Variants in MARCHF1 observed in about 807,000 individuals in gnomAD.
MARCHF1 encodes membrane associated ring-CH-type finger 1.
In MARCHF1, 40 loss-of-function variants were observed where a neutral mutation model predicts 54.2. The ratio of observed to expected loss-of-function variants is 0.74; its 90% CI spans 0.57 to 0.96. The LOEUF is 0.96. Among genes scored for constraint, MARCHF1 ranks in the 40% least tolerant of loss-of-function variants. The pLI is 0.00. For missense variants in MARCHF1, 586 were observed against 656.5 expected, an observed-to-expected ratio of 0.89 and a Z score of 1.17; for synonymous variants, 236 against 236.3, an observed-to-expected ratio of 1.00 and a Z score of 0.01.
At chr4:164,296,578 C>T (rs1487723167) in intron 1 of MARCHF1, among the ~76,000 whole-genome samples, 1 of 152,044 alleles carries the variant, frequency 6.6e-6, no homozygotes, top group Non-Finnish European at 1.5e-5. Flanking sequence ...CCATGTTGGC[C>T]AGGCTGGTCT....
intron 1 of MARCHF1, among the ~76,000 whole-genome samples, chr4:164,229,610 G>A (rs35139392): frequency 0.48 from 73,636 of 151,990 alleles, 19,966 homozygotes; most frequent in Non-Finnish European, 0.63. Context: ...CTGAGAATGA[G>A]TAATTTATAA....
At chr4:164,220,464 T>C (rs1255860088) in intron 1 of MARCHF1, among the ~76,000 whole-genome samples, 2 of 145,988 alleles carry the variant, frequency 1.4e-5, no homozygotes, top group African/African-American at 5.0e-5. Flanking sequence ...TTCCTATATA[T>C]AGGTATGGAA....
At chr4:164,237,879 TAAC>T (rs1167506173) in intron 1 of MARCHF1, among the ~76,000 whole-genome samples, 1 of 151,960 alleles carries the variant, frequency 6.6e-6, no homozygotes, top group Middle Eastern at 3.2e-3. Context: ...CTATCTGTAT[TAAC>T]AAAATGCTAA....
At chr4:164,179,184 G>A (rs1216435058) in intron 1 of MARCHF1, among the ~76,000 whole-genome samples, 1 of 152,180 alleles carries the variant, frequency 6.6e-6, no homozygotes, top group Non-Finnish European at 1.5e-5. Context: ...AGCTGGTGAT[G>A]AGATAGAGGG....
chr4:164,205,396 A>G (rs561380552), intron 1 of MARCHF1, among the ~76,000 whole-genome samples: 35 of 152,220 alleles, frequency 2.3e-4, no homozygotes, highest in Non-Finnish European at 4.1e-4. Context: ...TAAGTTGCCC[A>G]GAGTCATATA....
chr4:164,261,393 C>T (rs1733460698), intron 1 of MARCHF1, among the ~76,000 whole-genome samples: 1 of 152,124 alleles, frequency 6.6e-6, no homozygotes, highest in South Asian at 2.1e-4. Context: ...TCATACATTC[C>T]TGACTCACTT....
intron 2 of MARCHF1, among the ~76,000 whole-genome samples, chr4:164,090,953 T>G (rs6827245): frequency 6.6e-6 from 1 of 151,924 alleles, no homozygotes; most frequent in Non-Finnish European, 1.5e-5. Flanking sequence ...TGAAGTGAGT[T>G]AAAGAAATCA....
At chr4:163,756,920 T>TA (rs1191067936) in intron 4 of MARCHF1, among the ~76,000 whole-genome samples, 14 of 151,898 alleles carry the variant, frequency 9.2e-5, no homozygotes, top group African/African-American at 3.4e-4. Context: ...AATGGATATA[T>TA]TTTTTCAAAA....
intron 5 of MARCHF1, among the ~76,000 whole-genome samples, chr4:163,693,624 T>C (rs1333326112): frequency 6.6e-6 from 1 of 151,416 alleles, no homozygotes; most frequent in African/African-American, 2.4e-5. Flanking sequence ...GGCCATACTA[T>C]TGCAGCATAG....
At chr4:164,053,740 T>A (rs1454928245) in intron 2 of MARCHF1, among the ~76,000 whole-genome samples, 1 of 152,226 alleles carries the variant, frequency 6.6e-6, no homozygotes, top group Non-Finnish European at 1.5e-5. Context: ...GCAGGAATCA[T>A]TTCTTCAACG....
chr4:163,612,897 A>G lies in MARCHF1; in HGVS notation c.384T>C (p.Tyr128=). ...TTATTTGTTCTTCTGCAGCATGCTC[A>G]TATCTCTCAGAGGCTTTTCTCCTCC... is the stretch of plus-strand genomic sequence containing the variant. ...PRRRRKASER[Y]EHAAEEQIRG... Residue 128 remains tyrosine, a synonymous_variant, in exon 7 of 10, where the codon TAT becomes TAC. Transcript: ENST00000514618. The G allele has an allele frequency of 1.3e-6, 2 of 1,535,444 alleles. No homozygotes were observed. Among genetic ancestry groups the G allele is most frequent in the Non-Finnish European group, 1.7e-6 (2 of 1,146,518 alleles).
chr4:163,545,103 C>T (rs1056313367), intron 9 of MARCHF1, among the ~76,000 whole-genome samples: 2 of 152,302 alleles, frequency 1.3e-5, no homozygotes, highest in East Asian at 3.9e-4. Flanking sequence ...AATCAAACTT[C>T]GCATGGCTAA....
rs774603753 is a variant in MARCHF1 at position 163,828,054 on chromosome 4, C to CACACACACACAGAG, written c.111+25966_111+25967insCTCTGTGTGTGTGT. On this transcript the variant is annotated intron_variant, in intron 4 of 9. Coordinates refer to ENST00000514618, the MANE Select transcript of MARCHF1 (RefSeq NM_001394959.1). Reference sequence around the variant, plus strand: ...ACACACACACACACACACACACACACAGACACACCTTGTCATTCTCCTCCT... The same window carrying CACACACACACAGAG: ...ACACACACACACACACACACACACACACACACACACAGAGAGACACACCTTGTCATTCTCCTCCT... 4.5e-3 allele frequency among the ~76,000 whole-genome samples: 669 copies of CACACACACACAGAG among 148,304 alleles called. 14 individuals are homozygous for CACACACACACAGAG. The highest frequency in any genetic ancestry group is 0.022 in the East Asian group (109 of 4,912).
At position 163,634,724 on chromosome 4, in the gene MARCHF1, G is replaced by A. The variant is rs1481536445; in HGVS notation, c.163-21331C>T. ...GTCAACAAGGATACCCAGGAATTGA[G>A]CTCAGCTCTGCACCAAGCGGACCTA... On this transcript the variant is annotated intron_variant, in intron 5 of 9. Coordinates refer to ENST00000514618, the MANE Select transcript of MARCHF1 (RefSeq NM_001394959.1). Among the ~76,000 whole-genome samples the A allele has an allele frequency of 2.8e-3, 420 of 150,090 alleles. 1 individual carries two copies. The highest frequency in any genetic ancestry group is 9.4e-3 in the African/African-American group (380 of 40,418).
chr4:164,376,927 G>T (rs1731209590), intron 1 of MARCHF1, among the ~76,000 whole-genome samples: 1 of 152,158 alleles, frequency 6.6e-6, no homozygotes, highest in Non-Finnish European at 1.5e-5. Flanking sequence ...ATGAGAATCA[G>T]ATCATTGCTC....
At chr4:164,091,993 A>G (rs1190138643) in intron 2 of MARCHF1, among the ~76,000 whole-genome samples, 1 of 152,042 alleles carries the variant, frequency 6.6e-6, no homozygotes, top group African/African-American at 2.4e-5. Flanking sequence ...TTTTTTCCAC[A>G]CTTACTCCAA....
intron 2 of MARCHF1, among the ~76,000 whole-genome samples, chr4:164,051,463 A>T (rs1754362690): frequency 6.6e-6 from 1 of 152,144 alleles, no homozygotes; most frequent in Non-Finnish European, 1.5e-5. Context: ...AGCAACTGTG[A>T]TTTCTACCTG....
In MARCHF1 at chr4:163,854,052, T is replaced by C. The variant is rs149117229; in HGVS notation, c.80A>G (p.Asp27Gly). ...GGAGGTTTGTGAGGCGTCAGCCAAATCCCCTGAGATCTCGGGTGTTCGCGT... is the reference window on the plus strand; with the variant it reads ...GGAGGTTTGTGAGGCGTCAGCCAAACCCCCTGAGATCTCGGGTGTTCGCGT... ...NNTRTPEISG[D>G]LADASQTSTL... Residue 27 changes from aspartate to glycine, a missense_variant, in exon 4 of 10, where the codon GAT (aspartate) becomes GGT (glycine). By Grantham distance (94) the Asp-to-Gly change is moderately conservative. Coordinates refer to ENST00000514618, the MANE Select transcript of MARCHF1 (RefSeq NM_001394959.1). 5.9e-5 allele frequency: 91 copies of C among 1,536,912 alleles called. No individual in the cohort carries two copies. The African/African-American group carries it at 1.1e-3, about 19-fold the overall frequency.
At chr4:164,374,997 T>C (rs1463310599) in intron 1 of MARCHF1, among the ~76,000 whole-genome samples, 1 of 152,154 alleles carries the variant, frequency 6.6e-6, no homozygotes, top group Non-Finnish European at 1.5e-5. Flanking sequence ...GAAAACAAAA[T>C]TGCTAAGAAA....
Sources: gnomAD v4.1 joint callset for allele counts (sites outside exome capture counted in the v4.1 genomes callset) on GRCh38, gnomAD v4.1.1 for gene constraint, MANE v1.5 for transcripts, NCBI Gene and HGNC (gene_info 2026-07-23, HGNC 2026-07-21) for gene names.